The following CDC42BPA variants were observed in gnomAD, a reference collection of about 807,000 sequenced individuals.
CDC42BPA encodes CDC42 binding protein kinase alpha.
In CDC42BPA, 80 loss-of-function variants were observed where a neutral mutation model predicts 223.5. That is an observed-to-expected ratio of 0.36 (90% CI 0.30 to 0.43). The LOEUF is 0.43. Among genes scored for constraint, CDC42BPA ranks in the 20% least tolerant of loss-of-function variants. CDC42BPA has a pLI of 1.00. For missense variants in CDC42BPA, 1,743 were observed against 2,099.9 expected (o/e 0.83, Z 3.32); for synonymous variants, 694 against 718.6 (o/e 0.97, Z 0.55).
At chr1:227,021,024 G>C (rs1667269786) in intron 32 of CDC42BPA, among the ~76,000 whole-genome samples, 1 of 152,120 alleles carries the variant, frequency 6.6e-6, no homozygotes, top group South Asian at 2.1e-4. Context: ...GGAACAGTCA[G>C]AACACACACA....
intron 5 of CDC42BPA, 51 bp downstream of exon 5, chr1:227,193,735 C>A (rs1670180739): frequency 7.2e-7 from 1 of 1,386,686 alleles, no homozygotes; most frequent in African/African-American, 1.5e-5. Context: ...GCCTCTGTTG[C>A]TAGATATTAC....
At chr1:227,314,491 T>C (rs1694045741) in intron 1 of CDC42BPA, among the ~76,000 whole-genome samples, 1 of 152,116 alleles carries the variant, frequency 6.6e-6, no homozygotes, top group Non-Finnish European at 1.5e-5. Context: ...AGTTTTCTTA[T>C]TGTTTTGATA....
At chr1:227,283,921 G>A (rs984677981) in intron 1 of CDC42BPA, among the ~76,000 whole-genome samples, 1 of 152,176 alleles carries the variant, frequency 6.6e-6, no homozygotes, top group African/African-American at 2.4e-5. Context: ...AGCTGGGCAT[G>A]GTGGCGCATG....
intron 3 of CDC42BPA, 107 bp downstream of exon 3, chr1:227,213,029 C>T (rs1336610091): frequency 3.6e-6 from 2 of 555,266 alleles, no homozygotes; most frequent in Non-Finnish European, 6.2e-6. Flanking sequence ...AAAATGTCAC[C>T]ACAGACAAAA....
chr1:227,276,250 C>A (rs539943666), intron 1 of CDC42BPA, among the ~76,000 whole-genome samples: 2 of 150,322 alleles, frequency 1.3e-5, no homozygotes, highest in Admixed American at 1.3e-4. Flanking sequence ...TCTGCCCGGC[C>A]GCGACCCCGT....
At chr1:227,225,459 A>G (rs2718221) in intron 2 of CDC42BPA, among the ~76,000 whole-genome samples, 7,704 of 152,236 alleles carry the variant, frequency 0.051, 432 homozygotes, top group East Asian at 0.25. Context: ...AATAAAACAA[A>G]TAAGAGAAAT....
At chr1:227,179,440 T>C (rs1667525036) in intron 5 of CDC42BPA, among the ~76,000 whole-genome samples, 2 of 151,310 alleles carry the variant, frequency 1.3e-5, no homozygotes, top group Non-Finnish European at 3.0e-5. Flanking sequence ...ATTGAGACCA[T>C]CCTGGCTAAC....
chr1:227,247,235 T>G (rs1320776275), intron 2 of CDC42BPA, among the ~76,000 whole-genome samples: 1 of 148,098 alleles, frequency 6.8e-6, no homozygotes. Context: ...CAGTGGCTCA[T>G]GCCTGTAATC....
At chr1:227,167,213 C>T (rs1384542222) in intron 5 of CDC42BPA, among the ~76,000 whole-genome samples, 1 of 152,134 alleles carries the variant, frequency 6.6e-6, no homozygotes, top group Non-Finnish European at 1.5e-5. Context: ...TATGATTATA[C>T]CTGCTCCAAG....
At chr1:227,274,614 T>C (rs1230454629) in intron 1 of CDC42BPA, among the ~76,000 whole-genome samples, 1 of 152,170 alleles carries the variant, frequency 6.6e-6, no homozygotes, top group Non-Finnish European at 1.5e-5. Flanking sequence ...ATGGCCTCCC[T>C]GCTCCATTAA....
intron 11 of CDC42BPA, among the ~76,000 whole-genome samples, 157 bp downstream of exon 11, chr1:227,128,952 C>T (rs1012616243): frequency 2.6e-5 from 4 of 152,118 alleles, no homozygotes; most frequent in Non-Finnish European, 5.9e-5. Flanking sequence ...AATGTGAACT[C>T]CTTGAGAGCA....
At chr1:227,013,396 T>C (rs548214976) in intron 34 of CDC42BPA, among the ~76,000 whole-genome samples, 53 of 149,848 alleles carry the variant, frequency 3.5e-4, no homozygotes, top group Non-Finnish European at 5.2e-4. Context: ...TTTTTATCTC[T>C]TTTTTTTTCT....
intron 17 of CDC42BPA, 109 bp from the exon 18 acceptor site, chr1:227,074,473 T>A (rs1679058452): frequency 2.7e-6 from 2 of 751,020 alleles, no homozygotes; most frequent in African/African-American, 1.8e-5. Context: ...TCAAAGATAG[T>A]CTTAAATAAT....
chr1:227,100,780 G>A (rs533466701), intron 15 of CDC42BPA, among the ~76,000 whole-genome samples: 1,783 of 131,420 alleles, frequency 0.014, 43 homozygotes, highest in African/African-American at 0.046. Flanking sequence ...GTGTGTGTGC[G>A]TGTGCCATCA....
chr1:227,269,337 A>C (rs1685592556), intron 1 of CDC42BPA, among the ~76,000 whole-genome samples: 1 of 152,252 alleles, frequency 6.6e-6, no homozygotes, highest in Non-Finnish European at 1.5e-5. Flanking sequence ...TTGGAAAAAA[A>C]CTTTAATCCA....
At chr1:227,023,513 T>C (rs1364029047) in intron 31 of CDC42BPA, among the ~76,000 whole-genome samples, 166 bp from the exon 32 acceptor site, 2 of 152,192 alleles carry the variant, frequency 1.3e-5, no homozygotes, top group Non-Finnish European at 2.9e-5. Context: ...AAAGGTATAA[T>C]ACTATCTAAT....
Position 227,317,989 on chromosome 1 carries a change from G to C in CDC42BPA, c.-807C>G, listed in dbSNP as rs1006256211. Reference sequence around the variant, plus strand: ...GGGGGTGGAAGGCGGGCTGCGGGCGGCACTGGCACCGGGCTCCGGAGAAGC... The same window carrying C: ...GGGGGTGGAAGGCGGGCTGCGGGCGCCACTGGCACCGGGCTCCGGAGAAGC... On this transcript the variant is annotated 5_prime_UTR_variant, in exon 1 of 37. Transcript: ENST00000366766. The C allele has an allele frequency of 1.4e-4, 55 of 391,448 alleles. No homozygotes were observed. Among genetic ancestry groups the C allele is most frequent in the African/African-American group, 1.1e-3 (54 of 48,206 alleles). 24.2% of individuals were successfully genotyped at this position (391,448 alleles called of 1,614,324 possible).
chr1:226,993,049 C>T lies in CDC42BPA; in HGVS notation c.*1219G>A, dbSNP rs1487221811. 6.6e-6 allele frequency: 1 copy of T among 152,182 alleles called. No individual in the cohort carries two copies. The highest frequency in any genetic ancestry group is 2.1e-4 in the South Asian group (1 of 4,832). 9.4% of individuals were successfully genotyped at this position (152,182 alleles called of 1,614,324 possible). A position where few individuals can be genotyped will look rare whatever the true frequency, so the allele number is the denominator to read the frequency against. On this transcript the variant is annotated 3_prime_UTR_variant, in exon 37 of 37. Coordinates refer to ENST00000366766, the MANE Select transcript of CDC42BPA (RefSeq NM_001394014.1). ...TTTTACATTATTTGGTAATGAAAGC[C>T]GTTTTTTCTTCCTTCCCCAGGCTTA...
chr1:227,097,676 T>C (rs1434516675), intron 15 of CDC42BPA, among the ~76,000 whole-genome samples: 1 of 152,160 alleles, frequency 6.6e-6, no homozygotes, highest in Non-Finnish European at 1.5e-5. Context: ...GCATGCACAC[T>C]AAGAGGCAAA....
Sources: allele counts gnomAD v4.1 joint callset (sites outside exome capture counted in the v4.1 genomes callset), GRCh38; gene constraint gnomAD v4.1.1; transcripts MANE v1.5; gene names NCBI Gene and HGNC (gene_info 2026-07-23, HGNC 2026-07-21).